Variants in GALNT18 observed in about 807,000 individuals in gnomAD.
The protein encoded by GALNT18 is GalNAc-transferase 18.
In GALNT18, 44 loss-of-function variants were observed where a neutral mutation model predicts 69.5. The observed-to-expected ratio is 0.63, with a 90% CI of 0.50 to 0.81. The LOEUF (loss-of-function observed/expected upper bound fraction) is 0.81. Ranked by LOEUF, GALNT18 falls within the 40% of genes least tolerant of loss-of-function variation. The pLI is 0.00. For missense variants in GALNT18, 715 were observed against 810.0 expected (o/e 0.88, Z 1.42); for synonymous variants, 364 against 318.2 (o/e 1.14, Z -1.53).
intron 3 of GALNT18, among the ~76,000 whole-genome samples, chr11:11,393,764 T>C (rs60474689): frequency 0.13 from 19,144 of 152,284 alleles, 1,286 homozygotes; most frequent in Middle Eastern, 0.27. Flanking sequence ...CACTGCGCCT[T>C]TCAGCATTAT....
At chr11:11,379,012 C>T in intron 4 of GALNT18, 69 bp downstream of exon 4, 2 of 1,384,290 alleles carry the variant, frequency 1.4e-6, no homozygotes, top group South Asian at 1.4e-5. Context: ...TCCTAGCATG[C>T]TTTGCACTAT....
In GALNT18 at chr11:11,382,187, T is replaced by C. The variant is rs988496091; in HGVS notation, c.596-2923A>G. On this transcript the variant is annotated intron_variant, in intron 3 of 10. Transcript: ENST00000227756. This position sits in a 1 kb window ranked among gnomAD's most constrained non-coding sequence, Gnocchi z 4.3. The stretch of plus-strand genomic sequence containing the variant: ...TGCATCCCAAACATGTGCTGCTGAT[T>C]AGAAGAGGGAATTCTCTTAGCCCCA... 9.2e-5 allele frequency among the ~76,000 whole-genome samples: 14 copies of C among 152,164 alleles called. No individual in the cohort carries two copies. The highest frequency in any genetic ancestry group is 3.4e-4 in the African/African-American group (14 of 41,428).
At chr11:11,568,508 G>C (rs1351365130) in intron 1 of GALNT18, among the ~76,000 whole-genome samples, 1 of 152,096 alleles carries the variant, frequency 6.6e-6, no homozygotes, top group Non-Finnish European at 1.5e-5. Context: ...TCTGGTTAAG[G>C]GGGGAAAAAG....
In GALNT18 at chr11:11,338,522, T is replaced by C. The variant is rs1850151287; in HGVS notation, c.1278+2297A>G. On this transcript the variant is annotated intron_variant, in intron 7 of 10. Transcript: ENST00000227756. The surrounding 1 kb of genome is among the most constrained non-coding windows in gnomAD (Gnocchi z 5.3). ...TTGAAGGATGATGTCATTTTCAAACTCATATGTCTGGAAGATGGTGGCACC... is the reference window on the plus strand; with the variant it reads ...TTGAAGGATGATGTCATTTTCAAACCCATATGTCTGGAAGATGGTGGCACC... Among the ~76,000 whole-genome samples, 1 of 152,086 alleles carries C rather than the reference T, an allele frequency of 6.6e-6. No homozygotes were observed. The highest frequency in any genetic ancestry group is 2.1e-4 in the South Asian group (1 of 4,822).
Position 11,470,731 on chromosome 11 carries a change from C to T in GALNT18, c.236-21795G>A, listed in dbSNP as rs1856249434. ...TTCCTTCCAGAGAGCTTCTTCCTGC[C>T]CCTGTGAGCCCTGTGCTGGGCAGCA... is the stretch of plus-strand genomic sequence containing the variant. On this transcript the variant is annotated intron_variant, in intron 1 of 10. Transcript: ENST00000227756. The surrounding 1 kb of genome is among the most constrained non-coding windows in gnomAD (Gnocchi z 4.8). Among the ~76,000 whole-genome samples the T allele has an allele frequency of 6.6e-6, 1 of 152,096 alleles. No homozygotes were observed. The highest frequency in any genetic ancestry group is 6.5e-5 in the Admixed American group (1 of 15,276).
At chr11:11,474,438 C>T (rs1015301727) in intron 1 of GALNT18, among the ~76,000 whole-genome samples, 8 of 152,112 alleles carry the variant, frequency 5.3e-5, no homozygotes, top group African/African-American at 1.9e-4. Context: ...GAGTGTGGCT[C>T]TTGTTCTAAT....
At chr11:11,557,119 G>A (rs1173905788) in intron 1 of GALNT18, among the ~76,000 whole-genome samples, 4 of 152,148 alleles carry the variant, frequency 2.6e-5, no homozygotes, top group Non-Finnish European at 5.9e-5. Flanking sequence ...TCTTTATGCT[G>A]TTTTAAGGAA....
intron 6 of GALNT18, among the ~76,000 whole-genome samples, chr11:11,365,143 C>A (rs1850734485): frequency 6.6e-6 from 1 of 152,038 alleles, no homozygotes; most frequent in Admixed American, 6.6e-5. Context: ...AGTTCCCTTC[C>A]CTCAACCCCC....
In GALNT18 at chr11:11,613,669, T is replaced by C. The variant is rs75057318; in HGVS notation, c.235+7690A>G. On this transcript the variant is annotated intron_variant, in intron 1 of 10. Transcript: ENST00000227756. This position sits in a 1 kb window ranked among gnomAD's most constrained non-coding sequence, Gnocchi z 4.2. ...GGCAAGTGAGATTCAATAACAATTG[T>C]AGGAGCCATGAAATGACCACATCCC... is the stretch of plus-strand genomic sequence containing the variant. Among the ~76,000 whole-genome samples, 4 of 152,100 alleles carry C rather than the reference T, an allele frequency of 2.6e-5. No individual in the cohort carries two copies. The highest frequency in any genetic ancestry group is 5.9e-5 in the Non-Finnish European group (4 of 68,000).
intron 10 of GALNT18, among the ~76,000 whole-genome samples, chr11:11,290,940 C>T (rs1451985453): frequency 6.6e-6 from 1 of 152,214 alleles, no homozygotes; most frequent in African/African-American, 2.4e-5. Context: ...ACTCAGGACC[C>T]TGTTGTCTTC....
At chr11:11,437,779 A>C (rs1855436871) in intron 2 of GALNT18, among the ~76,000 whole-genome samples, 1 of 149,586 alleles carries the variant, frequency 6.7e-6, no homozygotes, top group African/African-American at 2.5e-5. Context: ...GGGAAGAGTA[A>C]GCAGGCCCCT....
chr11:11,439,729 T>A lies in GALNT18; in HGVS notation c.429-6942A>T, dbSNP rs908841227. On this transcript the variant is annotated intron_variant, in intron 2 of 10. Coordinates refer to ENST00000227756, the MANE Select transcript of GALNT18 (RefSeq NM_198516.3). This position sits in a 1 kb window ranked among gnomAD's most constrained non-coding sequence, Gnocchi z 4.4. ...TGGGCTGAGTGAACACATGAATAAA[T>A]GAACAGCAGAAAGAATTCAGGTCCA... 1.3e-5 allele frequency among the ~76,000 whole-genome samples: 2 copies of A among 152,100 alleles called. No homozygotes were observed. The highest frequency in any genetic ancestry group is 2.9e-5 in the Non-Finnish European group (2 of 68,022).
At position 11,332,954 on chromosome 11, in the gene GALNT18, G is replaced by T; in HGVS notation, c.1279-123C>A. 9.5e-7 allele frequency: 1 copy of T among 1,054,810 alleles called. No individual in the cohort carries two copies. Among genetic ancestry groups the T allele is most frequent in the Non-Finnish European group, 1.4e-6 (1 of 713,924 alleles). The allele number at this position is 1,054,810 out of a possible 1,614,324, so 65.3% of individuals were successfully genotyped here. On this transcript the variant is annotated intron_variant, in intron 7 of 10. Coordinates refer to ENST00000227756, the MANE Select transcript of GALNT18 (RefSeq NM_198516.3). This position sits in a 1 kb window ranked among gnomAD's most constrained non-coding sequence, Gnocchi z 4.3. ...CTAGAGACTGGGGAAGGGACCATGT[G>T]GCACGTTAACTCTTGCATTTTCCCA...
chr11:11,447,721 A>C (rs181340399), intron 2 of GALNT18, among the ~76,000 whole-genome samples: 11 of 152,272 alleles, frequency 7.2e-5, no homozygotes, highest in African/African-American at 2.6e-4. Flanking sequence ...ATCAGATCTC[A>C]TGAGAACTTA....
rs547678441 is a variant in GALNT18 at position 11,430,703 on chromosome 11, C to T, written c.595+1918G>A. ...ATTGACCTCCCCTCTGTTGGCCCGC[C>T]TGCCCATGGCTTCTCAGCCAAATGG... On this transcript the variant is annotated intron_variant, in intron 3 of 10. Transcript: ENST00000227756. This position sits in a 1 kb window ranked among gnomAD's most constrained non-coding sequence, Gnocchi z 4.9. Among the ~76,000 whole-genome samples, 1 of 152,332 alleles carries T rather than the reference C, an allele frequency of 6.6e-6. No homozygotes were observed. The highest frequency in any genetic ancestry group is 1.5e-5 in the Non-Finnish European group (1 of 68,036).
At position 11,352,753 on chromosome 11, in the gene GALNT18, G is replaced by A. The variant is rs767855835; in HGVS notation, c.1093-11749C>T. 5.0e-6 allele frequency: 8 copies of A among 1,614,010 alleles called. No homozygotes were observed. The Admixed American group carries it at 6.7e-5, about 13-fold the overall frequency. ...TAGTCTGTTAACGTCTGGTACAATT[G>A]CTTGAAGTCTGTGTTGTTTACGTGT... On this transcript the variant is annotated intron_variant, in intron 6 of 10. Coordinates refer to ENST00000227756, the MANE Select transcript of GALNT18 (RefSeq NM_198516.3).
In GALNT18 at chr11:11,377,861, G is replaced by A. The variant is rs1213398604; in HGVS notation, c.780-482C>T. 6.6e-6 allele frequency among the ~76,000 whole-genome samples: 1 copy of A among 152,084 alleles called. No individual in the cohort carries two copies. The highest frequency in any genetic ancestry group is 2.4e-5 in the African/African-American group (1 of 41,406). On this transcript the variant is annotated intron_variant, in intron 4 of 10. Coordinates refer to ENST00000227756, the MANE Select transcript of GALNT18 (RefSeq NM_198516.3). This position sits in a 1 kb window ranked among gnomAD's most constrained non-coding sequence, Gnocchi z 4.6. ...CTACATCCACCAGCCATGCGATGTT[G>A]CCCTGGAATGCCAGCTGTGCCACAT... is the stretch of plus-strand genomic sequence containing the variant.
rs899378019 is a variant in GALNT18, at chr11:11,595,669, C to T, written c.235+25690G>A. ...AGCATCCTTTCATGTGGTTACTGAA[C>T]ATTTGTATATCTTCTTCAGAGAATT... On this transcript the variant is annotated intron_variant, in intron 1 of 10. Coordinates refer to ENST00000227756, the MANE Select transcript of GALNT18 (RefSeq NM_198516.3). The surrounding 1 kb of genome is among the most constrained non-coding windows in gnomAD (Gnocchi z 5.2). 2.6e-5 allele frequency among the ~76,000 whole-genome samples: 4 copies of T among 152,142 alleles called. No individual in the cohort carries two copies. The highest frequency in any genetic ancestry group is 9.7e-5 in the African/African-American group (4 of 41,432).
Position 11,318,620 on chromosome 11 carries a change from G to T in GALNT18, c.1512+8466C>A, listed in dbSNP as rs1330873723. On this transcript the variant is annotated intron_variant, in intron 9 of 10. Coordinates refer to ENST00000227756, the MANE Select transcript of GALNT18 (RefSeq NM_198516.3). This position sits in a 1 kb window ranked among gnomAD's most constrained non-coding sequence, Gnocchi z 5.1. The stretch of plus-strand genomic sequence containing the variant: ...CAGCTTGTGGTACTTTGTTACGGAA[G>T]CCCTGGGAAACTTCTGCAGGGGAAA... Among the ~76,000 whole-genome samples the T allele has an allele frequency of 6.6e-6, 1 of 152,162 alleles. No homozygotes were observed. The highest frequency in any genetic ancestry group is 2.4e-5 in the African/African-American group (1 of 41,442).
Sources: gnomAD v4.1 joint callset for allele counts (sites outside exome capture counted in the v4.1 genomes callset) on GRCh38, gnomAD v4.1.1 for gene constraint, Gnocchi (gnomAD v3.1) non-coding constraint, MANE v1.5 for transcripts, NCBI Gene and HGNC (gene_info 2026-07-23, HGNC 2026-07-21) for gene names.